The following CCDC179 variants were observed in gnomAD, a reference collection of about 807,000 sequenced individuals.
CCDC179 encodes coiled-coil domain-containing protein 179.
In CCDC179, 17 loss-of-function variants were observed where a neutral mutation model predicts 12.0. That is an observed-to-expected ratio of 1.42 (90% CI 0.97 to 2.13). CCDC179 has a LOEUF of 2.13. Among genes scored for constraint, CCDC179 ranks in the 30% most tolerant of loss-of-function variants. CCDC179 has a pLI of 0.00. For missense variants in CCDC179, 83 were observed against 78.6 expected (o/e 1.06, Z -0.21); for synonymous variants, 27 against 26.4 (o/e 1.02, Z -0.07).
At chr11:22,858,213 A>G in intron 2 of CCDC179, 187 bp from the exon 3 acceptor site, 1 of 424,746 alleles carries the variant, frequency 2.4e-6, no homozygotes, top group South Asian at 4.4e-5. Flanking sequence ...TAGGTGAAGA[A>G]AACCACATTG....
At chr11:22,848,770 A>G (rs1293884578) in intron 3 of CCDC179, among the ~76,000 whole-genome samples, 1 of 152,192 alleles carries the variant, frequency 6.6e-6, no homozygotes, top group Non-Finnish European at 1.5e-5. Flanking sequence ...AGAAGAATTA[A>G]CAAAGATTAA....
chr11:22,847,327 C>A lies in CCDC179; in HGVS notation c.*183G>T, dbSNP rs980528750. 2.4e-5 allele frequency: 9 copies of A among 382,134 alleles called. No homozygotes were observed. The highest frequency in any genetic ancestry group is 1.7e-4 in the African/African-American group (8 of 48,186). 23.7% of individuals were successfully genotyped at this position (382,134 alleles called of 1,614,324 possible). ...AGAAAAATATGGTAGTGAGAGATGG[C>A]ATTTAATAAAATTCTAGAGCCTGTA... On this transcript the variant is annotated 3_prime_UTR_variant, in exon 4 of 4. Coordinates refer to ENST00000532798, the MANE Select transcript of CCDC179 (RefSeq NM_001195637.2).
At position 22,859,524 on chromosome 11, in the gene CCDC179, T is replaced by A. The variant is rs532865917; in HGVS notation, c.46-28A>T. 8.5e-4 allele frequency: 1,177 copies of A among 1,389,950 alleles called. 16 individuals carry two copies. In the South Asian group the frequency reaches 0.019, roughly 23 times the overall value. 86.1% of individuals were successfully genotyped at this position (1,389,950 alleles called of 1,614,324 possible). A position where few individuals can be genotyped will look rare whatever the true frequency, so the allele number is the denominator to read the frequency against. On this transcript the variant is annotated intron_variant, in intron 1 of 3. Transcript: ENST00000532798. ...ATATAATAAACAAAATTAAAACACA[T>A]TCACACAAAAAAGTCATTAAAAACA... is the stretch of plus-strand genomic sequence containing the variant.
At chr11:22,849,473 T>A (rs1433469438) in intron 3 of CCDC179, among the ~76,000 whole-genome samples, 1 of 152,156 alleles carries the variant, frequency 6.6e-6, no homozygotes, top group African/African-American at 2.4e-5. Context: ...AAAAAACATC[T>A]GGGACTTCAA....
chr11:22,848,574 A>C (rs1858288412), intron 3 of CCDC179, among the ~76,000 whole-genome samples: 1 of 152,274 alleles, frequency 6.6e-6, no homozygotes, highest in South Asian at 2.1e-4. Context: ...TGTCAAATAA[A>C]GTACTTATTT....
rs73486332 is a variant in CCDC179 at position 22,847,372 on chromosome 11, G to A, written c.*138C>T. 2,528 of 452,320 alleles carry A rather than the reference G, an allele frequency of 5.6e-3. 49 individuals are homozygous for A. Among genetic ancestry groups the A allele is most frequent in the African/African-American group, 0.043 (2,137 of 49,400 alleles). 28.0% of individuals were successfully genotyped at this position (452,320 alleles called of 1,614,324 possible). A position where few individuals can be genotyped will look rare whatever the true frequency, so the allele number is the denominator to read the frequency against. On this transcript the variant is annotated 3_prime_UTR_variant, in exon 4 of 4. Transcript: ENST00000532798. ...CCTGTAGCTTGGATATTAAATACTT[G>A]CACTGTGTTTATTTTTCCGAAATGG...
At chr11:22,847,734 T>C (rs1465413010) in intron 3 of CCDC179, among the ~76,000 whole-genome samples, 1 of 152,106 alleles carries the variant, frequency 6.6e-6, no homozygotes. Flanking sequence ...AAAATAATTA[T>C]CATCAAATAA....
chr11:22,859,286 G>T (rs1858607484), intron 2 of CCDC179, among the ~76,000 whole-genome samples, 166 bp downstream of exon 2: 1 of 152,120 alleles, frequency 6.6e-6, no homozygotes, highest in Non-Finnish European at 1.5e-5. Context: ...GTTTACCCTA[G>T]TTAAGACCCA....
At chr11:22,850,976 A>ATATTTTTTTTTTT (rs1554920538) in intron 3 of CCDC179, among the ~76,000 whole-genome samples, 1 of 6,126 alleles carries the variant, frequency 1.6e-4, no homozygotes, top group Non-Finnish European at 4.4e-4. Context: ...ATATATATAT[A>ATATTTTTTTTTTT]TTTTTTTTTT....
At chr11:22,854,353 A>C (rs538614126) in intron 3 of CCDC179, among the ~76,000 whole-genome samples, 1 of 151,990 alleles carries the variant, frequency 6.6e-6, no homozygotes, top group Non-Finnish European at 1.5e-5. Context: ...GTTCAAAATA[A>C]TAATTGCAAC....
intron 3 of CCDC179, 55 bp downstream of exon 3, chr11:22,857,867 A>G (rs1858563856): frequency 2.4e-6 from 2 of 846,520 alleles, no homozygotes; most frequent in Non-Finnish European, 3.5e-6. Flanking sequence ...AATTAAAATG[A>G]TGATATCAGT....
At chr11:22,850,341 AC>A (rs1858344679) in intron 3 of CCDC179, among the ~76,000 whole-genome samples, 1 of 152,250 alleles carries the variant, frequency 6.6e-6, no homozygotes, top group African/African-American at 2.4e-5. Flanking sequence ...TATCAAGAAC[AC>A]ATGATATTTT....
chr11:22,848,540 C>T (rs1481847892), intron 3 of CCDC179, among the ~76,000 whole-genome samples: 1 of 152,148 alleles, frequency 6.6e-6, no homozygotes. Context: ...CGCACGTCCT[C>T]TGTTGTACTG....
chr11:22,855,814 A>C (rs1205993308), intron 3 of CCDC179, among the ~76,000 whole-genome samples: 1 of 151,434 alleles, frequency 6.6e-6, no homozygotes. Flanking sequence ...TAACCAAAAA[A>C]GACACAAATT....
chr11:22,851,636 A>G (rs978601314), intron 3 of CCDC179, among the ~76,000 whole-genome samples: 3 of 152,246 alleles, frequency 2.0e-5, no homozygotes, highest in South Asian at 2.1e-4. Context: ...TGTTACATTC[A>G]TCAGAGAAGT....
intron 3 of CCDC179, among the ~76,000 whole-genome samples, chr11:22,856,447 G>A (rs1382201774): frequency 6.6e-6 from 1 of 151,462 alleles, no homozygotes; most frequent in African/African-American, 2.4e-5. Context: ...ATAAGAATTT[G>A]ACAAAATCCA....
At chr11:22,860,188 C>G (rs1858629556) in intron 1 of CCDC179, among the ~76,000 whole-genome samples, 189 bp downstream of exon 1, 1 of 152,182 alleles carries the variant, frequency 6.6e-6, no homozygotes, top group Non-Finnish European at 1.5e-5. Flanking sequence ...GTGGGTGGAG[C>G]TTTTTCTTGT....
At chr11:22,852,021 A>G (rs961279633) in intron 3 of CCDC179, among the ~76,000 whole-genome samples, 1 of 152,198 alleles carries the variant, frequency 6.6e-6, no homozygotes, top group Non-Finnish European at 1.5e-5. Flanking sequence ...AAGAGAAACT[A>G]TTTTAGCAGA....
intron 2 of CCDC179, 83 bp from the exon 3 acceptor site, chr11:22,858,109 G>A: frequency 2.3e-6 from 2 of 876,330 alleles, no homozygotes; most frequent in Non-Finnish European, 3.3e-6. Context: ...TTTGGTTTGT[G>A]TCAATAAAAA....
Sources: allele counts gnomAD v4.1 joint callset (sites outside exome capture counted in the v4.1 genomes callset), GRCh38; gene constraint gnomAD v4.1.1; transcripts MANE v1.5; gene names NCBI Gene and HGNC (gene_info 2026-07-23, HGNC 2026-07-21).